The following SERPINF1 variants were observed in gnomAD, a reference collection of about 807,000 sequenced individuals.
The protein encoded by SERPINF1 is serpin family F member 1, also known as pigment epithelium-derived factor.
SERPINF1 carries 29 observed loss-of-function variants against 37.3 expected under a neutral mutation model. The ratio of observed to expected loss-of-function variants is 0.78; its 90% CI spans 0.58 to 1.06. The LOEUF is 1.06. SERPINF1 is among the 50% of genes least tolerant of loss of function. SERPINF1 has a pLI of 0.00. For missense variants in SERPINF1, 553 were observed against 532.2 expected, an observed-to-expected ratio of 1.04 and a Z score of -0.38; for synonymous variants, 281 against 227.9, an observed-to-expected ratio of 1.23 and a Z score of -2.10.
At chr17:1,774,868 G>A (rs951860047) in intron 5 of SERPINF1, among the ~76,000 whole-genome samples, 190 bp from the exon 6 acceptor site, 2 of 152,082 alleles carry the variant, frequency 1.3e-5, no homozygotes, top group South Asian at 4.1e-4. Flanking sequence ...GGCACTTGGG[G>A]TCCTGGAAAT....
Position 1,766,928 on chromosome 17 carries a change from A to C in SERPINF1, c.18A>C (p.Leu6=), listed in dbSNP as rs547628107. The C allele has an allele frequency of 2.6e-6, 4 of 1,563,364 alleles. No homozygotes were observed. In the South Asian group the frequency reaches 3.5e-5, roughly 14 times the overall value. ...GCCCCAGGATGCAGGCCCTGGTGCTACTCCTCTGCATTGGAGCCCTCCTCG... is the reference window on the plus strand; with the variant it reads ...GCCCCAGGATGCAGGCCCTGGTGCTCCTCCTCTGCATTGGAGCCCTCCTCG... MQALV[L]LLCIGALLGH... Residue 6 remains leucine (L), a synonymous_variant, in exon 2 of 8, where the codon CTA becomes CTC. Coordinates refer to ENST00000254722, the MANE Select transcript of SERPINF1 (RefSeq NM_002615.7).
In SERPINF1 at chr17:1,775,158, G is replaced by A; in HGVS notation, c.744G>A (p.Lys248=). The A allele has an allele frequency of 6.2e-7, 1 of 1,614,100 alleles. No homozygotes were observed. The highest frequency in any genetic ancestry group is 8.5e-7 in the Non-Finnish European group (1 of 1,180,028). The change falls in exon 6 of 8, where the codon AAG becomes AAA. Residue 248 remains lysine, a synonymous_variant. Coordinates refer to ENST00000254722, the MANE Select transcript of SERPINF1 (RefSeq NM_002615.7). ...GGGTCCCCATGATGTCGGACCCTAA[G>A]GCTGTTTTACGCTATGGCTTGGATT... The part of the protein sequence containing the change: ...TVRVPMMSDP[K]AVLRYGLDSD...
Position 1,773,792 on chromosome 17 carries a change from T to C in SERPINF1, c.644-1266T>C, listed in dbSNP as rs377349973. The stretch of plus-strand genomic sequence containing the variant: ...TGTTTGGAGCTTGTTCCACGGGTCT[T>C]GTGTGGGGCCAGCCCTGTTCAGATA... On this transcript the variant is annotated intron_variant, in intron 5 of 7. Transcript: ENST00000254722. Among the ~76,000 whole-genome samples the C allele has an allele frequency of 7.2e-5, 11 of 152,192 alleles. No homozygotes were observed. In the South Asian group the frequency reaches 1.2e-3, roughly 17 times the overall value.
Position 1,775,114 on chromosome 17 carries a change from G to A in SERPINF1, c.700G>A (p.Asp234Asn), listed in dbSNP as rs1567757304. ...GACTTCCCTCGAGGATTTCTACTTG[G>A]ATGAAGAGAGGACCGTGAGGGTCCC... Reference protein sequence around the residue: ...RKTSLEDFYLDEERTVRVPMM... With the variant: ...RKTSLEDFYLNEERTVRVPMM... The change falls in exon 6 of 8, where the codon GAT becomes AAT. Residue 234 changes from aspartate to asparagine, a missense_variant. Coordinates refer to ENST00000254722, the MANE Select transcript of SERPINF1 (RefSeq NM_002615.7). 1 of 1,613,830 alleles carries A rather than the reference G, an allele frequency of 6.2e-7. No individual in the cohort carries two copies. The highest frequency in any genetic ancestry group is 8.5e-7 in the Non-Finnish European group (1 of 1,179,934).
At position 1,770,968 on chromosome 17, in the gene SERPINF1, G is replaced by C. The variant is rs576828379; in HGVS notation, c.284-61G>C. On this transcript the variant is annotated intron_variant, in intron 3 of 7. Coordinates refer to ENST00000254722, the MANE Select transcript of SERPINF1 (RefSeq NM_002615.7). Reference sequence around the variant, plus strand: ...TGAGTATAGTGTCTGTGTTCTGGGAGGGGGCTTGATTTGGGGCCCTGGTGT... The same window carrying C: ...TGAGTATAGTGTCTGTGTTCTGGGACGGGGCTTGATTTGGGGCCCTGGTGT... The C allele has an allele frequency of 1.0e-5, 16 of 1,605,138 alleles. No homozygotes were observed. In the East Asian group the frequency reaches 3.4e-4, roughly 34 times the overall value.
intron 1 of SERPINF1, among the ~76,000 whole-genome samples, chr17:1,763,058 G>A (rs545419155): frequency 1.3e-5 from 2 of 152,324 alleles, no homozygotes; most frequent in Non-Finnish European, 2.9e-5. Flanking sequence ...GGCACCCTGG[G>A]CTGACTCATT....
Position 1,775,216 on chromosome 17 carries a change from G to A in SERPINF1, c.786+16G>A. On this transcript the variant is annotated intron_variant, in intron 6 of 7. Transcript: ENST00000254722. ...CAGCTGCAAGGTCTGTAGGGATAGG[G>A]GCAGGGTGGGGGGTGGATGGAGGGA... The A allele has an allele frequency of 1.2e-6, 2 of 1,610,322 alleles. No homozygotes were observed. Among genetic ancestry groups the A allele is most frequent in the Non-Finnish European group, 1.7e-6 (2 of 1,177,238 alleles).
intron 6 of SERPINF1, among the ~76,000 whole-genome samples, chr17:1,775,828 T>C (rs911527112): frequency 6.6e-6 from 1 of 152,204 alleles, no homozygotes; most frequent in Non-Finnish European, 1.5e-5. Context: ...GCCACCACGC[T>C]TGGCCAATCG....
intron 4 of SERPINF1, 126 bp downstream of exon 4, chr17:1,771,310 G>A (rs570219422): frequency 1.7e-4 from 168 of 1,018,112 alleles, no homozygotes; most frequent in Non-Finnish European, 2.1e-4. Flanking sequence ...GTGCAGTGGC[G>A]TGATCTCGGC....
intron 5 of SERPINF1, among the ~76,000 whole-genome samples, chr17:1,774,758 G>A (rs1209511069): frequency 1.1e-4 from 16 of 152,128 alleles, no homozygotes; most frequent in Admixed American, 9.2e-4. Context: ...TACCATGCCC[G>A]GCTACCACTT....
intron 5 of SERPINF1, among the ~76,000 whole-genome samples, chr17:1,773,863 T>C (rs1907883108): frequency 6.6e-6 from 1 of 151,906 alleles, no homozygotes; most frequent in African/African-American, 2.4e-5. Context: ...TTGGGCAAAC[T>C]CTCCCTTAAA....
intron 5 of SERPINF1, among the ~76,000 whole-genome samples, chr17:1,772,501 T>G (rs1907808311): frequency 6.6e-6 from 1 of 152,148 alleles, no homozygotes; most frequent in Non-Finnish European, 1.5e-5. Flanking sequence ...TCCTCCCACC[T>G]TGGCCTCCCA....
intron 5 of SERPINF1, among the ~76,000 whole-genome samples, chr17:1,774,242 C>T (rs955472352): frequency 1.3e-5 from 2 of 152,198 alleles, no homozygotes; most frequent in African/African-American, 4.8e-5. Context: ...TTTGCCTAGG[C>T]TGGAGTGCTG....
Position 1,777,560 on chromosome 17 carries a change from C to T in SERPINF1, c.*114C>T. On this transcript the variant is annotated 3_prime_UTR_variant, in exon 8 of 8. Transcript: ENST00000254722. ...AATGCATACAATAAAAGAGCTTTAT[C>T]CCTAACTTCTGTTACTTCGTTCCTC... 1 of 1,318,030 alleles carries T rather than the reference C, an allele frequency of 7.6e-7. No individual in the cohort carries two copies. Among genetic ancestry groups the T allele is most frequent in the African/African-American group, 1.5e-5 (1 of 68,402 alleles). 81.6% of individuals were successfully genotyped at this position (1,318,030 alleles called of 1,614,324 possible).
At chr17:1,770,452 CT>C (rs35913837) in intron 3 of SERPINF1, 4,370 of 162,000 alleles carry the variant, frequency 0.027, 4 homozygotes, top group South Asian at 0.1. Context: ...ACAGAATAGT[CT>C]TTTTTTTTTT....
At chr17:1,767,514 C>T (rs1190701213) in intron 2 of SERPINF1, among the ~76,000 whole-genome samples, 4 of 152,200 alleles carry the variant, frequency 2.6e-5, no homozygotes, top group African/African-American at 7.2e-5. Flanking sequence ...GACATTTGTT[C>T]GGATACTGAC....
At chr17:1,776,958 C>T (rs760314375) in intron 7 of SERPINF1, among the ~76,000 whole-genome samples, 48 of 151,448 alleles carry the variant, frequency 3.2e-4, no homozygotes, top group Non-Finnish European at 6.3e-4. Flanking sequence ...CTGACAGGCG[C>T]TCACAACACT....
chr17:1,770,387 C>G, intron 3 of SERPINF1: 1 of 430,742 alleles, frequency 2.3e-6, no homozygotes, highest in Non-Finnish European at 4.3e-6. Flanking sequence ...CAGGTGTGGG[C>G]TTGCCCTCAC....
In SERPINF1 at chr17:1,766,712, G is replaced by C. The variant is rs1302321650; in HGVS notation, c.-8-191G>C. On this transcript the variant is annotated intron_variant, in intron 1 of 7. Coordinates refer to ENST00000254722, the MANE Select transcript of SERPINF1 (RefSeq NM_002615.7). ...GGGAGGGGCGGGAGAACCTTGCTGG[G>C]AGGGATGGGCCATCAAGCTGAGGGT... The C allele has an allele frequency of 5.0e-6, 3 of 595,408 alleles. No individual in the cohort carries two copies. The South Asian group carries it at 6.1e-5, about 12-fold the overall frequency. The allele number at this position is 595,408 out of a possible 1,614,324, so 36.9% of individuals were successfully genotyped here.
Sources: gnomAD v4.1 joint callset for allele counts (sites outside exome capture counted in the v4.1 genomes callset) on GRCh38, gnomAD v4.1.1 for gene constraint, MANE v1.5 for transcripts, NCBI Gene and HGNC (gene_info 2026-07-23, HGNC 2026-07-21) for gene names.